Variants in SLC25A26 observed in about 807,000 individuals in gnomAD.
SLC25A26 encodes the protein solute carrier family 25 member 26.
SLC25A26 carries 36 observed loss-of-function variants against 37.8 expected under a neutral mutation model. The ratio of observed to expected loss-of-function variants is 0.95; its 90% CI spans 0.73 to 1.26. SLC25A26 has a LOEUF of 1.26. Among genes scored for constraint, SLC25A26 ranks in the 50% most tolerant of loss-of-function variants. The probability of loss-of-function intolerance (pLI) is 0.00; values close to 1 mark genes in which losing one functional copy is unlikely to be tolerated. For missense variants in SLC25A26, 390 were observed against 331.1 expected (o/e 1.18, Z -1.38); for synonymous variants, 129 against 122.5 (o/e 1.05, Z -0.35).
chr3:66,369,373 G>T, intron 7 of SLC25A26, 105 bp from the exon 8 acceptor site: 1 of 621,620 alleles, frequency 1.6e-6, no homozygotes, highest in Non-Finnish European at 2.8e-6. Context: ...AATCAGCCAG[G>T]TGTACATAAT....
chr3:66,351,382 T>C (rs959200203), intron 6 of SLC25A26, among the ~76,000 whole-genome samples: 1 of 152,178 alleles, frequency 6.6e-6, no homozygotes, highest in Admixed American at 6.5e-5. Context: ...ATATCCAAAG[T>C]CTTAGAGAAG....
intron 1 of SLC25A26, among the ~76,000 whole-genome samples, chr3:66,226,720 C>A (rs988954680): frequency 6.6e-6 from 1 of 152,264 alleles, no homozygotes; most frequent in Middle Eastern, 3.4e-3. Flanking sequence ...GACTCAGCTT[C>A]AAAGTGCTGA....
chr3:66,264,253 C>T (rs2073654802), intron 5 of SLC25A26, among the ~76,000 whole-genome samples: 1 of 151,680 alleles, frequency 6.6e-6, no homozygotes, highest in South Asian at 2.1e-4. Context: ...GCCTGGGCAA[C>T]AGGGCAACAA....
Position 66,182,255 on chromosome 3 carries a change from G to A in SLC25A26, c.-353-38487G>A, listed in dbSNP as rs536678220. Among the ~76,000 whole-genome samples the A allele has an allele frequency of 1.1e-4, 16 of 152,294 alleles. No individual in the cohort carries two copies. The East Asian group carries it at 3.1e-3, about 29-fold the overall frequency. ...GTTGGGCTCTCCTAGGGAGTGAGTG[G>A]TAGGGCGCGGTGTTTGAAAAAGCAG... On this transcript the variant is annotated intron_variant, in intron 1 of 10. Coordinates refer to the SLC25A26 transcript ENST00000676754.
At chr3:66,238,982 AATCCTTTCACC>A (rs1195575518) in intron 2 of SLC25A26, among the ~76,000 whole-genome samples, 1 of 152,198 alleles carries the variant, frequency 6.6e-6, no homozygotes, top group Non-Finnish European at 1.5e-5. Flanking sequence ...TTATGGTACC[AATCCTTTCACC>A]ATTTGCTTTA....
intron 1 of SLC25A26, among the ~76,000 whole-genome samples, chr3:66,184,935 A>G (rs2070797002): frequency 6.6e-6 from 1 of 152,174 alleles, no homozygotes; most frequent in Admixed American, 6.5e-5. Context: ...AACTGACTAT[A>G]CTGAGTCTGG....
intron 5 of SLC25A26, among the ~76,000 whole-genome samples, chr3:66,332,756 C>T (rs1334676552): frequency 1.3e-5 from 2 of 152,022 alleles, no homozygotes; most frequent in Admixed American, 6.5e-5. Flanking sequence ...GATACAGATA[C>T]ATGAAACTGT....
At chr3:66,153,544 G>A (rs1350821581) in intron 1 of SLC25A26, among the ~76,000 whole-genome samples, 1 of 152,222 alleles carries the variant, frequency 6.6e-6, no homozygotes, top group East Asian at 1.9e-4. Context: ...GATGCAGGTG[G>A]CTCTGCAGAC....
At chr3:66,178,518 A>G (rs1007789639) in intron 1 of SLC25A26, among the ~76,000 whole-genome samples, 4 of 151,970 alleles carry the variant, frequency 2.6e-5, no homozygotes, top group African/African-American at 9.7e-5. Flanking sequence ...GTACATTTAT[A>G]TTGGCTTCCA....
Position 66,240,414 on chromosome 3 carries a change from A to G in SLC25A26, c.191-2789A>G, listed in dbSNP as rs545535517. ...AGGTGATCCTCCCACCTCAGTCCCA[A>G]GTAGCTGGGATTACAGGTGTGGGCA... On this transcript the variant is annotated intron_variant, in intron 2 of 9. Transcript: ENST00000354883. Among the ~76,000 whole-genome samples, 6 of 152,064 alleles carry G rather than the reference A, an allele frequency of 3.9e-5. No individual in the cohort carries two copies. In the East Asian group the frequency reaches 1.2e-3, roughly 30 times the overall value.
intron 5 of SLC25A26, among the ~76,000 whole-genome samples, chr3:66,320,134 G>A (rs920447828): frequency 5.9e-5 from 9 of 152,016 alleles, no homozygotes; most frequent in Admixed American, 2.6e-4. Context: ...AAAATTTGCC[G>A]TTTTTTAACA....
At chr3:66,248,971 C>T (rs1434806381) in intron 3 of SLC25A26, among the ~76,000 whole-genome samples, 1 of 152,204 alleles carries the variant, frequency 6.6e-6, no homozygotes, top group Non-Finnish European at 1.5e-5. Context: ...GCACATAAAA[C>T]ATCTGAACTT....
intron 1 of SLC25A26, among the ~76,000 whole-genome samples, chr3:66,210,904 G>A (rs1361563690): frequency 5.3e-5 from 8 of 152,218 alleles, no homozygotes; most frequent in Admixed American, 4.6e-4. Flanking sequence ...TGAGGCAACA[G>A]TCAGGGGCCA....
At chr3:66,144,060 G>A (rs1219325681) in intron 1 of SLC25A26, among the ~76,000 whole-genome samples, 1 of 152,076 alleles carries the variant, frequency 6.6e-6, no homozygotes, top group Non-Finnish European at 1.5e-5. Context: ...CACAAAGTGG[G>A]GTAATATGAT....
intron 5 of SLC25A26, among the ~76,000 whole-genome samples, chr3:66,290,810 A>G (rs962248604): frequency 5.3e-5 from 8 of 152,174 alleles, no homozygotes; most frequent in Non-Finnish European, 1.0e-4. Flanking sequence ...TTTTGGTATC[A>G]GGATGATGTT....
intron 5 of SLC25A26, among the ~76,000 whole-genome samples, chr3:66,344,048 A>G (rs1307350619): frequency 2.0e-5 from 3 of 152,170 alleles, no homozygotes; most frequent in Non-Finnish European, 2.9e-5. Flanking sequence ...AGTCCAGGCT[A>G]TTGACATTGA....
chr3:66,177,602 T>C (rs887516758), intron 1 of SLC25A26, among the ~76,000 whole-genome samples: 1 of 152,232 alleles, frequency 6.6e-6, no homozygotes, highest in African/African-American at 2.4e-5. Flanking sequence ...TCCCTTTATT[T>C]CTCACAACAC....
upstream of SLC25A26, chr3:66,220,936 A>T (rs2071455495): frequency 2.6e-6 from 2 of 774,104 alleles, no homozygotes; most frequent in Admixed American, 4.5e-5. Flanking sequence ...CCCTAGGCCC[A>T]GGTGTCTCGC....
chr3:66,328,742 A>C (rs1458781097), intron 5 of SLC25A26, among the ~76,000 whole-genome samples: 7 of 152,162 alleles, frequency 4.6e-5, no homozygotes, highest in African/African-American at 1.7e-4. Context: ...GTTTCTCTTT[A>C]TAAGATTTTT....
Sources: gnomAD v4.1 joint callset for allele counts (sites outside exome capture counted in the v4.1 genomes callset) on GRCh38, gnomAD v4.1.1 for gene constraint, MANE v1.5 for transcripts, NCBI Gene and HGNC (gene_info 2026-07-23, HGNC 2026-07-21) for gene names.